Variants in SNTG2 observed in about 807,000 individuals in gnomAD.
The protein encoded by SNTG2 is syntrophin gamma 2.
A neutral mutation model predicts 70.9 loss-of-function variants in SNTG2; 74 were observed. The observed-to-expected ratio is 1.04, with a 90% CI of 0.86 to 1.27. The LOEUF (loss-of-function observed/expected upper bound fraction) is 1.27. SNTG2 is among the 50% of genes most tolerant of loss of function. The pLI, the probability that SNTG2 is intolerant of heterozygous loss-of-function variation, is 0.00. For synonymous variants in SNTG2, 278 were observed against 273.8 expected (o/e 1.02, Z -0.15); for missense variants, 717 against 690.7 (o/e 1.04, Z -0.43).
At chr2:975,622 A>G (rs1415396877) in intron 1 of SNTG2, among the ~76,000 whole-genome samples, 2 of 151,514 alleles carry the variant, frequency 1.3e-5, no homozygotes, top group African/African-American at 4.9e-5. Context: ...CCATCCGCCT[A>G]CACCACATAC....
At chr2:1,323,883 A>T (rs1031604382) in intron 16 of SNTG2, among the ~76,000 whole-genome samples, 15 of 150,624 alleles carry the variant, frequency 1.0e-4, no homozygotes, top group African/African-American at 2.9e-4. Context: ...GCCACCCAGT[A>T]ATGTGGGACA....
intron 1 of SNTG2, among the ~76,000 whole-genome samples, chr2:959,505 G>A (rs1015190364): frequency 6.6e-6 from 1 of 152,040 alleles, no homozygotes; most frequent in Non-Finnish European, 1.5e-5. Context: ...GAGGCCTGGA[G>A]TCGGGGGGAG....
chr2:1,081,734 G>A (rs1029179253), intron 1 of SNTG2, among the ~76,000 whole-genome samples: 3 of 152,216 alleles, frequency 2.0e-5, no homozygotes, highest in Admixed American at 6.5e-5. Flanking sequence ...GCACCCACCC[G>A]GTCTGGCAAT....
chr2:1,360,802 T>G (rs1266361529), intron 16 of SNTG2, among the ~76,000 whole-genome samples: 1 of 152,170 alleles, frequency 6.6e-6, no homozygotes, highest in Admixed American at 6.5e-5. Flanking sequence ...GATTTTTCTT[T>G]CAATATTTGT....
chr2:1,139,212 TTTTG>T lies in SNTG2; in HGVS notation c.411+1419_411+1422del, dbSNP rs367935834. On this transcript the variant is annotated intron_variant, in intron 6 of 16. Transcript: ENST00000308624. Reference sequence around the variant, plus strand: ...GTAAAATTCTTGTGAGCAACAGTTTTTTTGTTTGTTTGTTTGTTTTGTTTCATTT... The same window carrying T: ...GTAAAATTCTTGTGAGCAACAGTTTTTTTGTTTGTTTGTTTTGTTTCATTT... 5.1e-4 allele frequency among the ~76,000 whole-genome samples: 76 copies of T among 148,470 alleles called. 2 individuals carry two copies. The highest frequency in any genetic ancestry group is 1.8e-3 in the African/African-American group (67 of 37,994).
chr2:1,153,439 C>T (rs564853740), intron 6 of SNTG2, among the ~76,000 whole-genome samples: 3 of 152,116 alleles, frequency 2.0e-5, no homozygotes, highest in South Asian at 2.1e-4. Context: ...TATCGTTGTT[C>T]GAATGACACA....
intron 14 of SNTG2, among the ~76,000 whole-genome samples, chr2:1,274,020 A>G (rs1257836155): frequency 6.6e-6 from 1 of 152,224 alleles, no homozygotes; most frequent in Admixed American, 6.5e-5. Context: ...AGATTTCTAG[A>G]TGGGAAATAG....
At chr2:1,334,238 A>G (rs768772401) in intron 16 of SNTG2, among the ~76,000 whole-genome samples, 20 of 152,326 alleles carry the variant, frequency 1.3e-4, no homozygotes, top group Middle Eastern at 6.8e-3. Flanking sequence ...TAAAACCACA[A>G]CATATAAGCT....
At chr2:995,157 AACACTCAG>A (rs1358459289) in intron 1 of SNTG2, among the ~76,000 whole-genome samples, 2 of 151,972 alleles carry the variant, frequency 1.3e-5, no homozygotes, top group Non-Finnish European at 2.9e-5. Flanking sequence ...TTAGCAGAAA[AACACTCAG>A]ACTTTCTTCC....
In SNTG2 at chr2:1,267,852, C is replaced by T. The variant is rs577050141; in HGVS notation, c.1284+281C>T. Among the ~76,000 whole-genome samples, 109 of 152,280 alleles carry T rather than the reference C, an allele frequency of 7.2e-4. 1 individual carries two copies. Among genetic ancestry groups the T allele is most frequent in the African/African-American group, 2.5e-3 (104 of 41,552 alleles). Reference sequence around the variant, plus strand: ...ATCGCTTTCCAGGAAGGGACTCCACCGATGTGGCGCTCAAGTTCCTGAGAA... The same window carrying T: ...ATCGCTTTCCAGGAAGGGACTCCACTGATGTGGCGCTCAAGTTCCTGAGAA... On this transcript the variant is annotated intron_variant, in intron 14 of 16. Coordinates refer to ENST00000308624, the MANE Select transcript of SNTG2 (RefSeq NM_018968.4).
At chr2:1,002,981 C>T (rs1023355095) in intron 1 of SNTG2, among the ~76,000 whole-genome samples, 8 of 151,894 alleles carry the variant, frequency 5.3e-5, no homozygotes, top group Non-Finnish European at 8.8e-5. Context: ...TTATCTTAAA[C>T]GAATTAACTC....
chr2:1,277,855 G>A (rs1572908650), intron 14 of SNTG2, among the ~76,000 whole-genome samples: 1 of 152,210 alleles, frequency 6.6e-6, no homozygotes, highest in South Asian at 2.1e-4. Flanking sequence ...CAGCCTCATA[G>A]ACAAGCTCCA....
chr2:1,363,660 C>G lies in SNTG2; in HGVS notation c.1489-3683C>G, dbSNP rs147253098. Among the ~76,000 whole-genome samples the G allele has an allele frequency of 1.7e-4, 26 of 152,276 alleles. No homozygotes were observed. In the East Asian group the frequency reaches 4.8e-3, roughly 28 times the overall value. On this transcript the variant is annotated intron_variant, in intron 16 of 16. Coordinates refer to ENST00000308624, the MANE Select transcript of SNTG2 (RefSeq NM_018968.4). ...TAGAACTCAACACAAGTATTTTGTT[C>G]AAACAAAATGTCAAAATGTGATTTC...
intron 9 of SNTG2, among the ~76,000 whole-genome samples, chr2:1,230,092 G>T (rs1182144236): frequency 6.6e-6 from 1 of 152,266 alleles, no homozygotes. Flanking sequence ...CAAGGTGGGA[G>T]CCCAGGCAGA....
rs1253403000 is a variant in SNTG2 at position 1,042,007 on chromosome 2, C to T, written c.73-41511C>T. Among the ~76,000 whole-genome samples, 6 of 152,228 alleles carry T rather than the reference C, an allele frequency of 3.9e-5. No individual in the cohort carries two copies. In the East Asian group the frequency reaches 1.2e-3, roughly 29 times the overall value. On this transcript the variant is annotated intron_variant, in intron 1 of 16. Coordinates refer to ENST00000308624, the MANE Select transcript of SNTG2 (RefSeq NM_018968.4). ...CCATATTTCTTCAGTTCTAAGATGCCATTAACATTTACATACACCATTATT... is the reference window on the plus strand; with the variant it reads ...CCATATTTCTTCAGTTCTAAGATGCTATTAACATTTACATACACCATTATT...
intron 12 of SNTG2, among the ~76,000 whole-genome samples, chr2:1,258,244 C>G (rs777083739): frequency 2.6e-5 from 4 of 152,162 alleles, no homozygotes; most frequent in African/African-American, 4.8e-5. Context: ...AGAAGGGGTG[C>G]TGGAGTTCTG....
chr2:1,002,884 T>TTACA (rs1287108286), intron 1 of SNTG2, among the ~76,000 whole-genome samples: 2 of 148,946 alleles, frequency 1.3e-5, no homozygotes, highest in African/African-American at 4.9e-5. Flanking sequence ...AAAGAAAATG[T>TTACA]TATATATATA....
At position 1,300,464 on chromosome 2, in the gene SNTG2, T is replaced by A. The variant is rs540318304; in HGVS notation, c.1285-8030T>A. 3.3e-5 allele frequency among the ~76,000 whole-genome samples: 5 copies of A among 152,296 alleles called. No individual in the cohort carries two copies. In the South Asian group the frequency reaches 1.0e-3, roughly 32 times the overall value. On this transcript the variant is annotated intron_variant, in intron 14 of 16. Transcript: ENST00000308624. ...CTCAACACCCCAGGGTGGGTCAGCA[T>A]TTCCCCCTGGACACAAGCTGCGGCC...
chr2:1,332,283 G>T (rs1659574686), intron 16 of SNTG2, among the ~76,000 whole-genome samples: 1 of 152,180 alleles, frequency 6.6e-6, no homozygotes, highest in African/African-American at 2.4e-5. Flanking sequence ...AATGTTACCT[G>T]ATGTGTGTTG....
Sources: gnomAD v4.1 joint callset for allele counts (sites outside exome capture counted in the v4.1 genomes callset) on GRCh38, gnomAD v4.1.1 for gene constraint, MANE v1.5 for transcripts, NCBI Gene and HGNC (gene_info 2026-07-23, HGNC 2026-07-21) for gene names.